The following GALNT13 variants were observed in gnomAD, a reference collection of about 807,000 sequenced individuals.
GALNT13 encodes UDP-GalNAc:polypeptide N-acetylgalactosaminyltransferase 13.
GALNT13 carries 28 observed loss-of-function variants against 64.2 expected under a neutral mutation model. The ratio of observed to expected loss-of-function variants is 0.44; its 90% CI spans 0.32 to 0.60. The LOEUF (loss-of-function observed/expected upper bound fraction) is 0.60. GALNT13 is among the 20% of genes least tolerant of loss of function. GALNT13 has a pLI of 0.05. For synonymous variants in GALNT13, 214 were observed against 224.6 expected, an observed-to-expected ratio of 0.95 and a Z score of 0.42; for missense variants, 577 against 669.8, an observed-to-expected ratio of 0.86 and a Z score of 1.53.
At chr2:153,255,458 A>G in the GALNT13 span, among the ~76,000 whole-genome samples, 2 of 146,992 alleles carry the variant, frequency 1.4e-5, no homozygotes, top group Non-Finnish European at 3.0e-5. Context: ...TGGAGCATTT[A>G]GTCCATTTAC....
the GALNT13 span, among the ~76,000 whole-genome samples, chr2:153,243,694 G>T: frequency 6.6e-6 from 1 of 151,790 alleles, no homozygotes; most frequent in Non-Finnish European, 1.5e-5. Context: ...GAAGGTTTAG[G>T]CAAGGCTTGT....
chr2:153,721,459 C>G, the GALNT13 span, among the ~76,000 whole-genome samples: 2 of 149,198 alleles, frequency 1.3e-5, no homozygotes, highest in African/African-American at 2.5e-5. Flanking sequence ...TCACACATAA[C>G]AATATTAACT....
chr2:153,658,441 C>G, the GALNT13 span, among the ~76,000 whole-genome samples: 1 of 152,184 alleles, frequency 6.6e-6, no homozygotes, highest in Non-Finnish European at 1.5e-5. Context: ...GTGACCATGT[C>G]ACTCTTAGTT....
the GALNT13 span, among the ~76,000 whole-genome samples, chr2:153,564,204 T>C: frequency 1.3e-4 from 16 of 121,294 alleles, no homozygotes; most frequent in Non-Finnish European, 1.8e-4. Context: ...ATATATATAT[T>C]TTTTTTACTA....
chr2:153,799,300 C>T, the GALNT13 span, among the ~76,000 whole-genome samples: 1 of 152,108 alleles, frequency 6.6e-6, no homozygotes, highest in Non-Finnish European at 1.5e-5. Flanking sequence ...AAAAGGACAG[C>T]TGCATAGATC....
chr2:153,369,999 C>T, the GALNT13 span, among the ~76,000 whole-genome samples: 2 of 152,092 alleles, frequency 1.3e-5, no homozygotes, highest in African/African-American at 4.8e-5. Flanking sequence ...AAGCCCCTGT[C>T]TCTAATTTTA....
the GALNT13 span, among the ~76,000 whole-genome samples, chr2:153,498,331 T>A: frequency 6.6e-6 from 1 of 152,228 alleles, no homozygotes; most frequent in African/African-American, 2.4e-5. Flanking sequence ...TTCTGCTGAA[T>A]ATATCTTGTG....
At chr2:153,880,302 C>G (rs1009946660) in intron 1 of GALNT13, among the ~76,000 whole-genome samples, 1 of 152,014 alleles carries the variant, frequency 6.6e-6, no homozygotes, top group Admixed American at 6.6e-5. Flanking sequence ...TACATTTTCT[C>G]CTTTCTGTTA....
chr2:154,402,884 A>C (rs1699360364), intron 10 of GALNT13, among the ~76,000 whole-genome samples: 1 of 152,184 alleles, frequency 6.6e-6, no homozygotes, highest in African/African-American at 2.4e-5. Flanking sequence ...AAAATTATAC[A>C]TGATCATCCT....
intron 2 of GALNT13, among the ~76,000 whole-genome samples, chr2:153,941,946 T>C (rs2105379157): frequency 6.6e-6 from 1 of 152,296 alleles, no homozygotes; most frequent in South Asian, 2.1e-4. Context: ...ATTAGGATAA[T>C]TTGAATACTG....
chr2:153,201,587 G>A, the GALNT13 span: 1 of 152,116 alleles, frequency 6.6e-6, no homozygotes, highest in East Asian at 1.9e-4. Flanking sequence ...CATAGGGAAT[G>A]TACTTATCTT....
intron 2 of GALNT13, among the ~76,000 whole-genome samples, chr2:153,913,059 T>C (rs1275740362): frequency 6.6e-6 from 1 of 152,104 alleles, no homozygotes; most frequent in Non-Finnish European, 1.5e-5. Context: ...TATGCCAGTG[T>C]TGGTGTTAGC....
the GALNT13 span, among the ~76,000 whole-genome samples, chr2:153,256,346 G>A: frequency 1.3e-5 from 2 of 152,262 alleles, no homozygotes; most frequent in African/African-American, 2.4e-5. Flanking sequence ...CTCTGTATCG[G>A]TTAGTCTAGT....
the GALNT13 span, among the ~76,000 whole-genome samples, chr2:153,861,559 C>CTTTTTTTT: frequency 1.3e-3 from 151 of 118,150 alleles, 1 homozygote; most frequent in East Asian, 9.8e-3. Flanking sequence ...TTCTTTCTTT[C>CTTTTTTTT]TTTTTTTTTT....
At chr2:153,365,693 G>T in the GALNT13 span, among the ~76,000 whole-genome samples, 1 of 152,264 alleles carries the variant, frequency 6.6e-6, no homozygotes, top group Admixed American at 6.5e-5. Flanking sequence ...ACCACAATGA[G>T]ATACTATCTC....
the GALNT13 span, among the ~76,000 whole-genome samples, chr2:153,210,476 C>T: frequency 5.9e-5 from 9 of 151,972 alleles, no homozygotes; most frequent in South Asian, 2.1e-4. Flanking sequence ...AATTTTGAAC[C>T]GACCTTGTAT....
chr2:154,060,387 G>A (rs958889113), intron 3 of GALNT13, among the ~76,000 whole-genome samples: 6 of 151,888 alleles, frequency 4.0e-5, no homozygotes, highest in Non-Finnish European at 7.4e-5. Flanking sequence ...ACAGAGTTTC[G>A]CTCTGTTGCC....
At chr2:153,932,879 T>A (rs1229262216) in intron 2 of GALNT13, among the ~76,000 whole-genome samples, 2 of 152,088 alleles carry the variant, frequency 1.3e-5, no homozygotes, top group African/African-American at 4.8e-5. Flanking sequence ...CCTCCTGCGT[T>A]GCCTTCCCAA....
At chr2:153,119,521 G>A in the GALNT13 span, among the ~76,000 whole-genome samples, 1 of 152,146 alleles carries the variant, frequency 6.6e-6, no homozygotes, top group Non-Finnish European at 1.5e-5. Context: ...TGTTAAATAA[G>A]TTATACATAA....
Sources: allele counts gnomAD v4.1 joint callset (sites outside exome capture counted in the v4.1 genomes callset), GRCh38; gene constraint gnomAD v4.1.1; transcripts MANE v1.5; gene names NCBI Gene and HGNC (gene_info 2026-07-23, HGNC 2026-07-21).